Variants in ADARB2 observed in about 807,000 individuals in gnomAD.
ADARB2 encodes inactive double-stranded RNA-specific editase B2.
Under a neutral mutation model 62.2 loss-of-function variants are expected in ADARB2, and 25 were observed. The ratio of observed to expected loss-of-function variants is 0.40; its 90% CI spans 0.29 to 0.56. ADARB2 has a LOEUF of 0.56. Among genes scored for constraint, ADARB2 ranks in the 20% least tolerant of loss-of-function variants. ADARB2 has a pLI of 0.43. For synonymous variants in ADARB2, 572 were observed against 500.8 expected (o/e 1.14, Z -1.90); for missense variants, 1,071 against 1,077.4 (o/e 0.99, Z 0.08).
At chr10:1,240,857 C>T (rs979620229) in intron 5 of ADARB2, among the ~76,000 whole-genome samples, 1 of 152,338 alleles carries the variant, frequency 6.6e-6, no homozygotes, top group South Asian at 2.1e-4. Context: ...AGAAATCCTT[C>T]CCTACATTCT....
At chr10:1,197,845 A>G (rs1836931271) in intron 8 of ADARB2, among the ~76,000 whole-genome samples, 1 of 152,224 alleles carries the variant, frequency 6.6e-6, no homozygotes, top group Non-Finnish European at 1.5e-5. Flanking sequence ...TTGATGTTGA[A>G]AGCTCAGAGA....
chr10:1,679,604 T>C (rs1003739321), intron 1 of ADARB2, among the ~76,000 whole-genome samples: 3 of 152,158 alleles, frequency 2.0e-5, no homozygotes, highest in Non-Finnish European at 4.4e-5. Flanking sequence ...GTTTTTATGT[T>C]AATGCCTCAT....
intron 1 of ADARB2, among the ~76,000 whole-genome samples, chr10:1,665,639 T>C (rs1834306714): frequency 6.6e-6 from 1 of 152,216 alleles, no homozygotes; most frequent in Non-Finnish European, 1.5e-5. Context: ...AGGGGAAATG[T>C]CAGCCATTCT....
chr10:1,313,570 C>T (rs557112692), intron 3 of ADARB2, among the ~76,000 whole-genome samples: 2 of 152,222 alleles, frequency 1.3e-5, no homozygotes, highest in East Asian at 3.9e-4. Context: ...GCAGAGCCAG[C>T]CACTGTGAGG....
intron 1 of ADARB2, among the ~76,000 whole-genome samples, chr10:1,645,612 T>C (rs755696010): frequency 5.3e-5 from 8 of 152,196 alleles, no homozygotes; most frequent in Non-Finnish European, 7.3e-5. Flanking sequence ...CGTCAGTGTA[T>C]TTAAACGTAC....
intron 1 of ADARB2, among the ~76,000 whole-genome samples, chr10:1,432,269 T>C (rs1158763406): frequency 2.6e-5 from 4 of 152,264 alleles, no homozygotes; most frequent in Admixed American, 6.5e-5. Flanking sequence ...ATTTAACTTG[T>C]GATATATTGA....
At chr10:1,641,240 C>A (rs879148918) in intron 1 of ADARB2, among the ~76,000 whole-genome samples, 1 of 152,190 alleles carries the variant, frequency 6.6e-6, no homozygotes, top group East Asian at 1.9e-4. Flanking sequence ...CTAGCATTGA[C>A]AAAGCATGGA....
At chr10:1,550,850 T>A (rs887849029) in intron 1 of ADARB2, among the ~76,000 whole-genome samples, 29 of 142,970 alleles carry the variant, frequency 2.0e-4, no homozygotes, top group African/African-American at 7.0e-4. Flanking sequence ...GTCCCCGCGC[T>A]TCCCAGGCCG....
intron 4 of ADARB2, among the ~76,000 whole-genome samples, chr10:1,244,429 G>A (rs1395907536): frequency 1.3e-5 from 2 of 152,226 alleles, no homozygotes; most frequent in Admixed American, 1.3e-4. Context: ...TGAGGCCCCG[G>A]CCTGCTCCTT....
intron 1 of ADARB2, among the ~76,000 whole-genome samples, chr10:1,493,616 T>C (rs1831649294): frequency 6.6e-6 from 1 of 152,100 alleles, no homozygotes; most frequent in South Asian, 2.1e-4. Context: ...TGTTTGTCCA[T>C]TGTTCAGTGC....
intron 5 of ADARB2, among the ~76,000 whole-genome samples, chr10:1,241,016 A>G (rs529479525): frequency 6.6e-6 from 1 of 152,204 alleles, no homozygotes; most frequent in Non-Finnish European, 1.5e-5. Flanking sequence ...CATGCCTGTA[A>G]TCTCAGCACT....
At chr10:1,302,436 C>T (rs2131818110) in intron 3 of ADARB2, among the ~76,000 whole-genome samples, 1 of 152,362 alleles carries the variant, frequency 6.6e-6, no homozygotes, top group Non-Finnish European at 1.5e-5. Context: ...TGCAAGGCGG[C>T]AGCGAGCCTG....
chr10:1,390,635 G>T (rs1473360387), intron 1 of ADARB2, among the ~76,000 whole-genome samples: 1 of 152,102 alleles, frequency 6.6e-6, no homozygotes, highest in Non-Finnish European at 1.5e-5. Flanking sequence ...TCGGACTTTG[G>T]GTTTCCGTTT....
intron 1 of ADARB2, among the ~76,000 whole-genome samples, chr10:1,696,753 G>A (rs979612687): frequency 2.0e-5 from 3 of 152,126 alleles, no homozygotes; most frequent in Admixed American, 6.5e-5. Flanking sequence ...CTGGGACCTG[G>A]GGCTGAACTG....
chr10:1,647,263 A>G (rs563896970), intron 1 of ADARB2, among the ~76,000 whole-genome samples: 1 of 152,370 alleles, frequency 6.6e-6, no homozygotes, highest in African/African-American at 2.4e-5. Flanking sequence ...GGATTGCATG[A>G]GTCACTATTT....
chr10:1,271,062 G>C lies in ADARB2; in HGVS notation c.1085C>G (p.Ala362Gly). 1 of 1,613,824 alleles carries C rather than the reference G, an allele frequency of 6.2e-7. No homozygotes were observed. Among genetic ancestry groups the C allele is most frequent in the Non-Finnish European group, 8.5e-7 (1 of 1,179,904 alleles). The change falls in exon 4 of 10, where the codon GCA becomes GGA. Residue 362 changes from alanine (A) to glycine (G), a missense_variant. Ala to Gly is a moderately conservative substitution (Grantham distance 60, BLOSUM62 0). Transcript: ENST00000381312. ...ARRTPMPQEF[A>G]DSISQLVTQK... ...TGTGACCAGCTGGGATATGGAGTCT[G>C]CGAATTCCTGAAAGACACAAGCACA...
intron 3 of ADARB2, among the ~76,000 whole-genome samples, chr10:1,308,686 G>C (rs1831655479): frequency 6.6e-6 from 1 of 152,164 alleles, no homozygotes; most frequent in South Asian, 2.1e-4. Context: ...TCTGGGTTTT[G>C]GTACTGGTAT....
chr10:1,400,128 T>G (rs1832649381), intron 1 of ADARB2, among the ~76,000 whole-genome samples: 1 of 152,160 alleles, frequency 6.6e-6, no homozygotes, highest in Non-Finnish European at 1.5e-5. Flanking sequence ...CCGCTGAGCG[T>G]GGGCAGAGAG....
intron 3 of ADARB2, among the ~76,000 whole-genome samples, chr10:1,297,605 CCT>C (rs1831534815): frequency 6.6e-6 from 1 of 152,186 alleles, no homozygotes; most frequent in African/African-American, 2.4e-5. Flanking sequence ...CCTCTGAACC[CCT>C]CTTCCCAGCA....
Sources: gnomAD v4.1 joint callset for allele counts (sites outside exome capture counted in the v4.1 genomes callset) on GRCh38, gnomAD v4.1.1 for gene constraint, MANE v1.5 for transcripts, NCBI Gene and HGNC (gene_info 2026-07-23, HGNC 2026-07-21) for gene names.